The following LRRTM3 variants were observed in gnomAD, a reference collection of about 807,000 sequenced individuals.
LRRTM3 encodes leucine rich repeat transmembrane neuronal 3.
A neutral mutation model predicts 44.7 loss-of-function variants in LRRTM3; 24 were observed. The ratio of observed to expected loss-of-function variants is 0.54; its 90% CI spans 0.39 to 0.76. The LOEUF (loss-of-function observed/expected upper bound fraction) is 0.76, where lower values mean the gene tolerates loss of function less well. LRRTM3 is among the 30% of genes least tolerant of loss of function. The pLI, the probability that LRRTM3 is intolerant of heterozygous loss-of-function variation, is 0.00. For missense variants in LRRTM3, 587 were observed against 702.2 expected, an observed-to-expected ratio of 0.84 and a Z score of 1.85; for synonymous variants, 277 against 278.7, an observed-to-expected ratio of 0.99 and a Z score of 0.06.
At chr10:66,933,933 A>C (rs1252444344) in intron 2 of LRRTM3, among the ~76,000 whole-genome samples, 1 of 152,130 alleles carries the variant, frequency 6.6e-6, no homozygotes, top group Non-Finnish European at 1.5e-5. Context: ...GGCATATCTA[A>C]AGATCAGAGA....
At chr10:67,010,548 G>C (rs1292344236) in intron 2 of LRRTM3, among the ~76,000 whole-genome samples, 4 of 152,160 alleles carry the variant, frequency 2.6e-5, no homozygotes, top group Non-Finnish European at 4.4e-5. Flanking sequence ...GCAAGAAGAA[G>C]AGTGGGGGGA....
intron 2 of LRRTM3, among the ~76,000 whole-genome samples, chr10:67,052,879 C>T (rs1474681953): frequency 1.3e-5 from 2 of 152,032 alleles, no homozygotes; most frequent in Non-Finnish European, 2.9e-5. Context: ...ATGTAAGTTT[C>T]GTAAATTCTA....
chr10:66,940,900 C>T (rs1299213527), intron 2 of LRRTM3, among the ~76,000 whole-genome samples: 1 of 152,048 alleles, frequency 6.6e-6, no homozygotes, highest in Non-Finnish European at 1.5e-5. Flanking sequence ...CTGTATGCTC[C>T]AATAACAGTA....
At chr10:67,062,196 CACAG>C (rs1439626619) in intron 2 of LRRTM3, among the ~76,000 whole-genome samples, 1 of 110,298 alleles carries the variant, frequency 9.1e-6, no homozygotes, top group Non-Finnish European at 1.9e-5. Context: ...CGTTAAAACC[CACAG>C]AGAGTAAATT....
At chr10:67,020,602 T>C (rs1852943877) in intron 2 of LRRTM3, among the ~76,000 whole-genome samples, 1 of 152,160 alleles carries the variant, frequency 6.6e-6, no homozygotes, top group Non-Finnish European at 1.5e-5. Flanking sequence ...TTGGGCACTG[T>C]AGAGAATCAA....
At chr10:67,084,667 T>A (rs1466079903) in intron 2 of LRRTM3, among the ~76,000 whole-genome samples, 1 of 151,894 alleles carries the variant, frequency 6.6e-6, no homozygotes, top group Non-Finnish European at 1.5e-5. Context: ...TGATAACTTT[T>A]ATAATGGACA....
chr10:67,046,361 C>T (rs1259903960), intron 2 of LRRTM3, among the ~76,000 whole-genome samples: 1 of 152,118 alleles, frequency 6.6e-6, no homozygotes, highest in Non-Finnish European at 1.5e-5. Flanking sequence ...CAGATGTGAG[C>T]GAACAGCTTT....
At chr10:67,011,639 T>C (rs1925623) in intron 2 of LRRTM3, among the ~76,000 whole-genome samples, 83,165 of 151,964 alleles carry the variant, frequency 0.55, 23,332 homozygotes, top group Middle Eastern at 0.75. Flanking sequence ...AGGCTATGTG[T>C]AACTTTAATA....
intron 2 of LRRTM3, among the ~76,000 whole-genome samples, chr10:67,091,941 C>A (rs1857668391): frequency 6.6e-6 from 1 of 151,964 alleles, no homozygotes; most frequent in South Asian, 2.1e-4. Context: ...TAGAAGAAGA[C>A]TGAAATGCCT....
rs117709104 is a variant in LRRTM3 at position 66,956,046 on chromosome 10, G to A, written c.1536+27594G>A. On this transcript the variant is annotated intron_variant, in intron 2 of 2. Coordinates refer to ENST00000361320, the MANE Select transcript of LRRTM3 (RefSeq NM_178011.5). ...CTGCAGAAGCTGACAAAAATATTAA[G>A]ACCCTAGAGCTATGGCATTTGGTTT... Among the ~76,000 whole-genome samples, 427 of 152,214 alleles carry A rather than the reference G, an allele frequency of 2.8e-3. 2 individuals are homozygous for A. The highest frequency in any genetic ancestry group is 4.3e-3 in the Non-Finnish European group (295 of 68,002).
At chr10:67,008,424 T>C (rs1852132058) in intron 2 of LRRTM3, among the ~76,000 whole-genome samples, 1 of 152,232 alleles carries the variant, frequency 6.6e-6, no homozygotes. Context: ...TTGTCTTGAT[T>C]CACCTCTTAG....
chr10:67,015,245 T>C (rs1852585998), intron 2 of LRRTM3: 1 of 152,154 alleles, frequency 6.6e-6, no homozygotes, highest in Admixed American at 6.5e-5. Context: ...ATTCTCTAAT[T>C]TCTAAAGCTG....
chr10:67,024,286 T>G (rs1709193824), intron 2 of LRRTM3, among the ~76,000 whole-genome samples: 1 of 152,198 alleles, frequency 6.6e-6, no homozygotes, highest in Admixed American at 6.5e-5. Flanking sequence ...TCTCGTAGAG[T>G]CTGACTTTAC....
At chr10:67,060,498 T>C (rs1380994451) in intron 2 of LRRTM3, among the ~76,000 whole-genome samples, 2 of 152,232 alleles carry the variant, frequency 1.3e-5, no homozygotes, top group Non-Finnish European at 2.9e-5. Context: ...GCTCATCAAA[T>C]ATTCCAGTTA....
rs570747041 is a variant in LRRTM3 at position 67,006,528 on chromosome 10, A to T, written c.1536+78076A>T. 2.2e-4 allele frequency among the ~76,000 whole-genome samples: 25 copies of T among 111,192 alleles called. No individual in the cohort carries two copies. The South Asian group carries it at 8.1e-3, about 36-fold the overall frequency. 72.9% of individuals were successfully genotyped at this position (111,192 alleles called of 152,430 possible). On this transcript the variant is annotated intron_variant, in intron 2 of 2. Transcript: ENST00000361320. ...AGCTTTTTCCTGGGACAAATCCCCC[A>T]GATGTTTTCTATTCTCTTATAACTT...
At chr10:66,952,102 TC>T (rs1848566420) in intron 2 of LRRTM3, among the ~76,000 whole-genome samples, 1 of 151,912 alleles carries the variant, frequency 6.6e-6, no homozygotes, top group African/African-American at 2.4e-5. Flanking sequence ...GTCCATTTTC[TC>T]CCCCCAATAT....
chr10:66,958,520 T>C (rs1270860235), intron 2 of LRRTM3, among the ~76,000 whole-genome samples: 2 of 152,090 alleles, frequency 1.3e-5, no homozygotes, highest in African/African-American at 2.4e-5. Flanking sequence ...TTGTCACAAA[T>C]GTGCAGCTGG....
chr10:66,962,260 T>C (rs914059063), intron 2 of LRRTM3, among the ~76,000 whole-genome samples: 1 of 152,232 alleles, frequency 6.6e-6, no homozygotes, highest in Non-Finnish European at 1.5e-5. Flanking sequence ...CTCACTGACC[T>C]TATCACCCAC....
intron 2 of LRRTM3, among the ~76,000 whole-genome samples, chr10:66,953,226 C>T (rs1334088196): frequency 6.6e-6 from 1 of 152,152 alleles, no homozygotes; most frequent in African/African-American, 2.4e-5. Flanking sequence ...ACACACAAAT[C>T]AATCCAGCAT....
Sources: gnomAD v4.1 joint callset for allele counts (sites outside exome capture counted in the v4.1 genomes callset) on GRCh38, gnomAD v4.1.1 for gene constraint, MANE v1.5 for transcripts, NCBI Gene and HGNC (gene_info 2026-07-23, HGNC 2026-07-21) for gene names.